Variants in CARHSP1 observed in about 807,000 individuals in gnomAD.
CARHSP1 encodes the protein calcium-regulated heat-stable protein 1.
Under a neutral mutation model 12.5 loss-of-function variants are expected in CARHSP1, and 14 were observed. That is an observed-to-expected ratio of 1.12 (90% CI 0.74 to 1.75). The LOEUF (loss-of-function observed/expected upper bound fraction) is 1.75. Among genes scored for constraint, CARHSP1 ranks in the 40% most tolerant of loss-of-function variants. The probability of loss-of-function intolerance (pLI) is 0.00; values close to 1 mark genes in which losing one functional copy is unlikely to be tolerated. For missense variants in CARHSP1, 343 were observed against 201.6 expected (o/e 1.70, Z -4.25); for synonymous variants, 161 against 82.0 (o/e 1.96, Z -5.20).
Position 8,857,272 on chromosome 16 carries a change from T to TTTTG in CARHSP1, c.281+1077_281+1078insCAAA, listed in dbSNP as rs1567181151. The stretch of plus-strand genomic sequence containing the variant: ...GATCTTGGGCAGATCTGTTTTTTTT[T>TTTTG]TTTTTTTTTTTTTTTTTTTTTTTTT... On this transcript the variant is annotated intron_variant, in intron 3 of 3. Coordinates refer to ENST00000311052, the MANE Select transcript of CARHSP1 (RefSeq NM_014316.4). Among the ~76,000 whole-genome samples the TTTTG allele has an allele frequency of 3.1e-3, 91 of 29,316 alleles. 4 individuals are homozygous for TTTTG. The highest frequency in any genetic ancestry group is 6.7e-3 in the East Asian group (7 of 1,044). 19.2% of individuals were successfully genotyped at this position (29,316 alleles called of 152,430 possible).
chr16:8,861,463 A>T (rs1188020720), intron 1 of CARHSP1, among the ~76,000 whole-genome samples: 1 of 151,284 alleles, frequency 6.6e-6, no homozygotes, highest in Non-Finnish European at 1.5e-5. Flanking sequence ...TACATCACCC[A>T]AAAATCCCAC....
chr16:8,860,406 A>G (rs954428475), intron 1 of CARHSP1: 6 of 985,300 alleles, frequency 6.1e-6, no homozygotes, highest in Non-Finnish European at 6.0e-6. Context: ...GCTTTTGACA[A>G]TTTTTCAAGA....
intron 3 of CARHSP1, among the ~76,000 whole-genome samples, chr16:8,857,269 T>TGTTTTTTTG (rs756868301): frequency 6.7e-5 from 2 of 29,954 alleles, no homozygotes; most frequent in Non-Finnish European, 1.3e-4. Context: ...ATCTGTTTTT[T>TGTTTTTTTG]TTTTTTTTTT....
At position 8,854,065 on chromosome 16, in the gene CARHSP1, C is replaced by T. The variant is rs2061020353; in HGVS notation, c.*1099G>A. On this transcript the variant is annotated 3_prime_UTR_variant, in exon 4 of 4. Transcript: ENST00000311052. ...GGCCACTGCACTCCAGCCTGGGTGA[C>T]AGAATGAGACTCAGTCTCCCACCCT... 6.6e-6 allele frequency: 1 copy of T among 152,030 alleles called. No individual in the cohort carries two copies. Among genetic ancestry groups the T allele is most frequent in the Admixed American group, 6.5e-5 (1 of 15,276 alleles). 9.4% of individuals were successfully genotyped at this position (152,030 alleles called of 1,614,324 possible).
intron 1 of CARHSP1, chr16:8,866,610 G>A (rs975016056): frequency 1.8e-5 from 4 of 225,052 alleles, no homozygotes; most frequent in Non-Finnish European, 3.0e-5. Context: ...GCCAGAGGTT[G>A]ACGCAGCAGC....
chr16:8,865,350 T>C (rs2061437774), intron 1 of CARHSP1, among the ~76,000 whole-genome samples: 1 of 152,186 alleles, frequency 6.6e-6, no homozygotes, highest in Non-Finnish European at 1.5e-5. Context: ...CCTCTCATGA[T>C]TTACCCGCTT....
chr16:8,855,776 G>C (rs1206123714), intron 3 of CARHSP1, among the ~76,000 whole-genome samples: 1 of 152,180 alleles, frequency 6.6e-6, no homozygotes, highest in East Asian at 1.9e-4. Flanking sequence ...CTGGTTCCAG[G>C]AGTCTCAGAA....
intron 2 of CARHSP1, 46 bp from the exon 3 acceptor site, chr16:8,858,518 G>GAGAGGGGGAAATGT: frequency 6.2e-7 from 1 of 1,601,366 alleles, no homozygotes. Context: ...GCGCTCCTGG[G>GAGAGGGGGAAATGT]CACACAAAGC....
intron 1 of CARHSP1, among the ~76,000 whole-genome samples, chr16:8,862,846 G>A (rs254945): frequency 0.74 from 111,906 of 151,986 alleles, 41,321 homozygotes; most frequent in Middle Eastern, 0.83. Context: ...CACCATCGTC[G>A]TCCTCCTTGC....
intron 1 of CARHSP1, 21 bp from the exon 2 acceptor site, chr16:8,859,356 C>G (rs772742946): frequency 6.3e-7 from 1 of 1,590,396 alleles, no homozygotes; most frequent in South Asian, 1.1e-5. Flanking sequence ...AAGAGGCTGT[C>G]AGGGGCTCGT....
At chr16:8,859,364 C>G (rs372571690) in intron 1 of CARHSP1, 29 bp from the exon 2 acceptor site, 9 of 1,582,754 alleles carry the variant, frequency 5.7e-6, no homozygotes, top group African/African-American at 2.7e-5. Context: ...GTCAGGGGCT[C>G]GTGCCTTGCA....
intron 3 of CARHSP1, among the ~76,000 whole-genome samples, chr16:8,856,881 G>C (rs533829701): frequency 6.6e-6 from 1 of 152,222 alleles, no homozygotes. Context: ...CCCAGCCCTA[G>C]GATGTGTGCG....
In CARHSP1 at chr16:8,854,812, G is replaced by C. The variant is rs2061044107; in HGVS notation, c.*352C>G. ...CAGCTCCAGGAGGAAGAGGGATTCT[G>C]TGGGTTGAGCCCATGTGTCTGAGCA... On this transcript the variant is annotated 3_prime_UTR_variant, in exon 4 of 4. Coordinates refer to ENST00000311052, the MANE Select transcript of CARHSP1 (RefSeq NM_014316.4). 1 of 178,470 alleles carries C rather than the reference G, an allele frequency of 5.6e-6. No homozygotes were observed. The highest frequency in any genetic ancestry group is 2.0e-4 in the South Asian group (1 of 5,088). The allele number at this position is 178,470 out of a possible 1,614,324, so 11.1% of individuals were successfully genotyped here.
intron 1 of CARHSP1, chr16:8,860,265 G>T (rs2061309899): frequency 1.0e-6 from 1 of 982,236 alleles, no homozygotes. Context: ...GCTGCATCCA[G>T]CTCCATCAGG....
chr16:8,858,771 TAACAC>T, intron 2 of CARHSP1: 2 of 451,456 alleles, frequency 4.4e-6, no homozygotes, highest in Non-Finnish European at 7.9e-6. Context: ...TTACTATTAA[TAACAC>T]AAGCATCCTC....
intron 1 of CARHSP1, 106 bp downstream of exon 1, chr16:8,868,860 G>A (rs1055226830): frequency 3.3e-5 from 5 of 152,044 alleles, no homozygotes; most frequent in African/African-American, 7.2e-5. Context: ...AGACCCTGCA[G>A]GATGGGGGAC....
chr16:8,861,125 C>G (rs1008042542), intron 1 of CARHSP1, among the ~76,000 whole-genome samples: 5 of 141,578 alleles, frequency 3.5e-5, no homozygotes, highest in African/African-American at 1.3e-4. Context: ...GTGGCATAAT[C>G]ACAGTTCACT....
At chr16:8,859,366 T>G in intron 1 of CARHSP1, 31 bp from the exon 2 acceptor site, 3 of 1,581,646 alleles carry the variant, frequency 1.9e-6, no homozygotes, top group Non-Finnish European at 2.6e-6. Flanking sequence ...CAGGGGCTCG[T>G]GCCTTGCAAG....
intron 1 of CARHSP1, chr16:8,860,208 T>C (rs1335639097): frequency 2.0e-6 from 2 of 984,954 alleles, no homozygotes; most frequent in Admixed American, 6.1e-5. Flanking sequence ...CACCCAGGAC[T>C]GGGGGGCCTG....
Sources: allele counts gnomAD v4.1 joint callset (sites outside exome capture counted in the v4.1 genomes callset), GRCh38; gene constraint gnomAD v4.1.1; transcripts MANE v1.5; gene names NCBI Gene and HGNC (gene_info 2026-07-23, HGNC 2026-07-21).